Variants in GSK3B observed in about 807,000 individuals in gnomAD.
The protein encoded by GSK3B is glycogen synthase kinase-3 beta.
Under a neutral mutation model 56.4 loss-of-function variants are expected in GSK3B, and 15 were observed. That is an observed-to-expected ratio of 0.27 (90% CI 0.18 to 0.41). The LOEUF is 0.41. Ranked by LOEUF, GSK3B falls within the 10% of genes least tolerant of loss-of-function variation. The pLI is 1.00. For missense variants in GSK3B, 300 were observed against 513.4 expected (o/e 0.58, Z 4.02); for synonymous variants, 181 against 188.9 (o/e 0.96, Z 0.34).
intron 6 of GSK3B, among the ~76,000 whole-genome samples, chr3:119,911,385 G>A (rs531157343): frequency 1.3e-5 from 2 of 152,232 alleles, no homozygotes; most frequent in African/African-American, 4.8e-5. Flanking sequence ...AATACATTCA[G>A]CATCATTCTT....
intron 3 of GSK3B, among the ~76,000 whole-genome samples, chr3:119,932,916 G>A (rs1190005953): frequency 1.3e-5 from 2 of 152,044 alleles, no homozygotes; most frequent in East Asian, 3.9e-4. Flanking sequence ...TGGCCAACAT[G>A]ATGAAACCCT....
At chr3:120,069,106 T>C (rs1027197522) in intron 1 of GSK3B, among the ~76,000 whole-genome samples, 3 of 152,156 alleles carry the variant, frequency 2.0e-5, no homozygotes, top group African/African-American at 7.2e-5. Context: ...CCCTGGGTAA[T>C]GACAAAGTAG....
chr3:119,874,154 G>GT (rs1489607190), intron 8 of GSK3B, among the ~76,000 whole-genome samples: 1 of 151,994 alleles, frequency 6.6e-6, no homozygotes, highest in Non-Finnish European at 1.5e-5. Context: ...TAATACTTGC[G>GT]TTAGAGAGAT....
intron 10 of GSK3B, 35 bp downstream of exon 10, chr3:119,843,220 T>C (rs772784464): frequency 1.2e-5 from 16 of 1,364,286 alleles, no homozygotes; most frequent in Non-Finnish European, 1.7e-5. Context: ...CAGCCCAGAA[T>C]ATGTTTTTAT....
At chr3:120,011,421 C>T (rs1249754933) in intron 1 of GSK3B, among the ~76,000 whole-genome samples, 1 of 152,176 alleles carries the variant, frequency 6.6e-6, no homozygotes, top group African/African-American at 2.4e-5. Flanking sequence ...ATCCCAGCAT[C>T]ATAATTTGCA....
At chr3:120,074,469 A>G (rs956706907) in intron 1 of GSK3B, among the ~76,000 whole-genome samples, 18 of 150,536 alleles carry the variant, frequency 1.2e-4, no homozygotes, top group Non-Finnish European at 1.8e-4. Context: ...CTCCTGCCTC[A>G]GCCTCCTGAG....
In GSK3B at chr3:119,825,908, C is replaced by A. The variant is rs915900379; in HGVS notation, c.*880G>T. On this transcript the variant is annotated 3_prime_UTR_variant, in exon 11 of 11. Transcript: ENST00000264235. Reference sequence around the variant, plus strand: ...CTGACCTGTCCCCTTCCTCTGGGCTCATCAGCCTTTGACCTCAGCAGCTAG... The same window carrying A: ...CTGACCTGTCCCCTTCCTCTGGGCTAATCAGCCTTTGACCTCAGCAGCTAG... The A allele has an allele frequency of 4.6e-6, 1 of 216,510 alleles. No individual in the cohort carries two copies. The highest frequency in any genetic ancestry group is 2.3e-5 in the African/African-American group (1 of 44,352). The allele number at this position is 216,510 out of a possible 1,614,324, so 13.4% of individuals were successfully genotyped here. A position where few individuals can be genotyped will look rare whatever the true frequency, so the allele number is the denominator to read the frequency against.
chr3:119,822,243 T>TTATATATA lies in GSK3B; in HGVS notation c.*4537_*4544dup, dbSNP rs71156775. 8 of 158,552 alleles carry TTATATATA rather than the reference T, an allele frequency of 5.0e-5. No individual in the cohort carries two copies. The highest frequency in any genetic ancestry group is 1.3e-4 in the African/African-American group (5 of 39,600). The allele number at this position is 158,552 out of a possible 1,614,324, so 9.8% of individuals were successfully genotyped here. On this transcript the variant is annotated 3_prime_UTR_variant, in exon 11 of 11. Transcript: ENST00000264235. ...TAGTTTGTATACAACCCACAGTCCT[T>TTATATATA]TATATATATATATATATATATATAA... is the stretch of plus-strand genomic sequence containing the variant.
At chr3:120,020,162 G>A (rs1329551764) in intron 1 of GSK3B, among the ~76,000 whole-genome samples, 1 of 152,046 alleles carries the variant, frequency 6.6e-6, no homozygotes, top group Non-Finnish European at 1.5e-5. Flanking sequence ...AATTAACTAT[G>A]GAAAATAAAA....
Position 119,826,548 on chromosome 3 carries a change from T to TA in GSK3B, c.*239_*240insT. 1 of 395,444 alleles carries TA rather than the reference T, an allele frequency of 2.5e-6. No individual in the cohort carries two copies. The highest frequency in any genetic ancestry group is 5.0e-6 in the Non-Finnish European group (1 of 201,732). The allele number at this position is 395,444 out of a possible 1,614,324, so 24.5% of individuals were successfully genotyped here. ...ATGTTCTAGTGCTCCGCTTTCCCCC[T>TA]CCCCACAACCCCTCCCACCCCCTGG... On this transcript the variant is annotated 3_prime_UTR_variant, in exon 11 of 11. Coordinates refer to ENST00000264235, the MANE Select transcript of GSK3B (RefSeq NM_001146156.2).
At chr3:119,951,356 G>T (rs2057154724) in intron 2 of GSK3B, among the ~76,000 whole-genome samples, 1 of 152,244 alleles carries the variant, frequency 6.6e-6, no homozygotes, top group Admixed American at 6.5e-5. Context: ...CAGATCACCT[G>T]AGGACAGGAG....
rs2058531650 is a variant in GSK3B at position 120,093,444 on chromosome 3, C to G, written c.-10G>C. 1 of 1,581,736 alleles carries G rather than the reference C, an allele frequency of 6.3e-7. No individual in the cohort carries two copies. The highest frequency in any genetic ancestry group is 1.3e-5 in the African/African-American group (1 of 74,300). Reference sequence around the variant, plus strand: ...TGGGCCGCCCTGACATGATCACTCTCTTCGCGAATCACCTTTTCCTTCCTT... The same window carrying G: ...TGGGCCGCCCTGACATGATCACTCTGTTCGCGAATCACCTTTTCCTTCCTT... On this transcript the variant is annotated 5_prime_UTR_variant, in exon 1 of 11. Coordinates refer to ENST00000264235, the MANE Select transcript of GSK3B (RefSeq NM_001146156.2).
At chr3:119,980,047 T>C (rs1576244683) in intron 2 of GSK3B, among the ~76,000 whole-genome samples, 1 of 152,232 alleles carries the variant, frequency 6.6e-6, no homozygotes, top group East Asian at 1.9e-4. Context: ...TGGCTATATA[T>C]GTGTTGTCTG....
chr3:119,875,742 T>A (rs556281979), intron 8 of GSK3B, among the ~76,000 whole-genome samples: 35 of 152,224 alleles, frequency 2.3e-4, no homozygotes, highest in African/African-American at 8.4e-4. Flanking sequence ...AAAACACTTT[T>A]TAATAAAATC....
chr3:120,061,001 T>G (rs2058231521), intron 1 of GSK3B, among the ~76,000 whole-genome samples: 1 of 152,184 alleles, frequency 6.6e-6, no homozygotes. Context: ...GCTTCAAACT[T>G]TAGATGCTTA....
Position 119,826,691 on chromosome 3 carries a change from TTC to T in GSK3B, c.*95_*96del, listed in dbSNP as rs2055514270. On this transcript the variant is annotated 3_prime_UTR_variant, in exon 11 of 11. Transcript: ENST00000264235. The stretch of plus-strand genomic sequence containing the variant: ...GAACACTAAAATGAACAGGATTTTT[TTC>T]TCTTTTTAATATTCTTTCCAAACGT... 1 of 806,776 alleles carries T rather than the reference TTC, an allele frequency of 1.2e-6. No individual in the cohort carries two copies. The highest frequency in any genetic ancestry group is 2.2e-6 in the Non-Finnish European group (1 of 450,840). 50.0% of individuals were successfully genotyped at this position (806,776 alleles called of 1,614,324 possible). A position where few individuals can be genotyped will look rare whatever the true frequency, so the allele number is the denominator to read the frequency against.
intron 2 of GSK3B, among the ~76,000 whole-genome samples, chr3:119,948,757 G>A (rs556914903): frequency 6.6e-6 from 1 of 152,210 alleles, no homozygotes; most frequent in East Asian, 1.9e-4. Context: ...GGAGTGCAAT[G>A]GCGTGATCTC....
intron 1 of GSK3B, among the ~76,000 whole-genome samples, chr3:120,046,830 C>T (rs1051574818): frequency 6.6e-6 from 1 of 152,094 alleles, no homozygotes; most frequent in Non-Finnish European, 1.5e-5. Flanking sequence ...AGGCCGTTCT[C>T]GAACTCCTAA....
intron 10 of GSK3B, among the ~76,000 whole-genome samples, chr3:119,835,683 T>A (rs78238396): frequency 0.021 from 3,239 of 152,286 alleles, 52 homozygotes; most frequent in Middle Eastern, 0.041. Context: ...TGTTTTTTTT[T>A]AAAAAGTTGC....
Sources: gnomAD v4.1 joint callset for allele counts (sites outside exome capture counted in the v4.1 genomes callset) on GRCh38, gnomAD v4.1.1 for gene constraint, MANE v1.5 for transcripts, NCBI Gene and HGNC (gene_info 2026-07-23, HGNC 2026-07-21) for gene names.